LINGO2: variants seen among roughly 807,000 people sequenced by gnomAD.
The protein encoded by LINGO2 is leucine rich repeat and Ig domain containing 2, also known as leucine-rich repeat and immunoglobulin-like domain-containing nogo receptor-interacting protein 2.
LINGO2 carries 14 observed loss-of-function variants against 30.6 expected under a neutral mutation model. The observed-to-expected ratio is 0.46, with a 90% CI of 0.30 to 0.72. The LOEUF is 0.72. LINGO2 is among the 30% of genes least tolerant of loss of function. The pLI is 0.07. For synonymous variants in LINGO2, 317 were observed against 288.5 expected (o/e 1.10, Z -1.00); for missense variants, 729 against 751.7 (o/e 0.97, Z 0.35).
At chr9:28,926,269 G>A in the LINGO2 span, among the ~76,000 whole-genome samples, 3 of 152,084 alleles carry the variant, frequency 2.0e-5, no homozygotes, top group South Asian at 4.1e-4. Context: ...AGCCGAGATC[G>A]TGCCACTGCA....
chr9:29,051,648 A>T, the LINGO2 span, among the ~76,000 whole-genome samples: 1 of 152,200 alleles, frequency 6.6e-6, no homozygotes, highest in African/African-American at 2.4e-5. Flanking sequence ...TCTCTATATT[A>T]GGAGTTCTGA....
chr9:28,191,932 C>G (rs1386312346), intron 4 of LINGO2, among the ~76,000 whole-genome samples: 1 of 152,120 alleles, frequency 6.6e-6, no homozygotes, highest in African/African-American at 2.4e-5. Context: ...GTTATTTCCT[C>G]TAGTCTTAGG....
downstream of LINGO2, chr9:27,944,417 A>T (rs763263713): frequency 1.3e-5 from 2 of 152,168 alleles, no homozygotes; most frequent in Non-Finnish European, 2.9e-5. Flanking sequence ...CTCTTTTGGG[A>T]ATGGCTTTTG....
At chr9:28,430,776 T>C (rs1330878107) in intron 2 of LINGO2, among the ~76,000 whole-genome samples, 1 of 152,072 alleles carries the variant, frequency 6.6e-6, no homozygotes, top group African/African-American at 2.4e-5. Context: ...TGCCAGGAGC[T>C]CAGGGCTGGC....
chr9:27,993,271 G>A (rs925359562), intron 5 of LINGO2, among the ~76,000 whole-genome samples: 1 of 151,884 alleles, frequency 6.6e-6, no homozygotes, highest in African/African-American at 2.4e-5. Flanking sequence ...TTCTTTCTTT[G>A]TTGAGGTAAT....
the LINGO2 span, among the ~76,000 whole-genome samples, chr9:28,918,101 T>C: frequency 1.7e-5 from 2 of 117,822 alleles, no homozygotes; most frequent in South Asian, 4.5e-4. Context: ...GATAAAGACA[T>C]ATCCGAGACT....
chr9:28,583,492 G>C (rs1334151024), intron 1 of LINGO2, among the ~76,000 whole-genome samples: 1 of 151,906 alleles, frequency 6.6e-6, no homozygotes, highest in Admixed American at 6.6e-5. Flanking sequence ...TCATGAAAAG[G>C]CTTGCTTAGC....
the LINGO2 span, chr9:28,863,604 A>T: frequency 1.9e-6 from 1 of 529,398 alleles, no homozygotes. Flanking sequence ...TTCATGGTGT[A>T]GATCAACTGC....
At chr9:29,018,580 T>C in the LINGO2 span, among the ~76,000 whole-genome samples, 6 of 152,140 alleles carry the variant, frequency 3.9e-5, no homozygotes, top group Admixed American at 3.9e-4. Flanking sequence ...TTATCATCCC[T>C]ATTTGGAAGA....
At chr9:28,006,915 G>C (rs569111607) in intron 5 of LINGO2, among the ~76,000 whole-genome samples, 3 of 83,704 alleles carry the variant, frequency 3.6e-5, no homozygotes, top group Non-Finnish European at 6.6e-5. Context: ...TACTGAGCTA[G>C]TCTAATTCAT....
the LINGO2 span, among the ~76,000 whole-genome samples, chr9:28,734,532 G>C: frequency 1.3e-5 from 2 of 152,164 alleles, no homozygotes; most frequent in Non-Finnish European, 1.5e-5. Context: ...GAAGCACAGA[G>C]TGTTACGTAA....
At chr9:28,516,692 CTGT>C in intron 1 of LINGO2, among the ~76,000 whole-genome samples, 1 of 152,280 alleles carries the variant, frequency 6.6e-6, no homozygotes, top group South Asian at 2.1e-4. Flanking sequence ...ATCAACATCG[CTGT>C]TGTTGCAGTG....
At chr9:28,600,703 A>G (rs1198368172) in intron 1 of LINGO2, among the ~76,000 whole-genome samples, 1 of 152,112 alleles carries the variant, frequency 6.6e-6, no homozygotes, top group African/African-American at 2.4e-5. Flanking sequence ...AGCATTTTTA[A>G]TAACTTAATA....
intron 2 of LINGO2, among the ~76,000 whole-genome samples, chr9:28,398,270 T>C (rs936523621): frequency 1.3e-5 from 2 of 152,142 alleles, no homozygotes; most frequent in South Asian, 4.1e-4. Context: ...TTAGAAGGCG[T>C]TGAATGAAAA....
intron 5 of LINGO2, among the ~76,000 whole-genome samples, chr9:28,008,428 C>T (rs1822378002): frequency 6.6e-6 from 1 of 152,020 alleles, no homozygotes; most frequent in Non-Finnish European, 1.5e-5. Flanking sequence ...TATAACTCCA[C>T]TCTTGCAACT....
the LINGO2 span, among the ~76,000 whole-genome samples, chr9:29,169,928 G>A: frequency 6.6e-6 from 1 of 152,124 alleles, no homozygotes; most frequent in Non-Finnish European, 1.5e-5. Context: ...AACCTGGGAG[G>A]CTCAAGCAGT....
chr9:28,528,110 A>G (rs2135420073), intron 1 of LINGO2, among the ~76,000 whole-genome samples: 1 of 152,304 alleles, frequency 6.6e-6, no homozygotes, highest in South Asian at 2.1e-4. Flanking sequence ...TAGCTGTGGA[A>G]GAATACAACC....
chr9:28,061,148 C>T (rs1825131629), intron 4 of LINGO2, among the ~76,000 whole-genome samples: 1 of 149,620 alleles, frequency 6.7e-6, no homozygotes, highest in South Asian at 2.2e-4. Context: ...TGCATTCTTT[C>T]TGGTTCTCTG....
chr9:28,569,066 C>A (rs913655776), intron 1 of LINGO2, among the ~76,000 whole-genome samples: 2 of 149,064 alleles, frequency 1.3e-5, no homozygotes, highest in Non-Finnish European at 2.9e-5. Flanking sequence ...CAGGTAAATG[C>A]AAATCAAACC....
Sources: gnomAD v4.1 joint callset for allele counts (sites outside exome capture counted in the v4.1 genomes callset) on GRCh38, gnomAD v4.1.1 for gene constraint, MANE v1.5 for transcripts, NCBI Gene and HGNC (gene_info 2026-07-23, HGNC 2026-07-21) for gene names.